Variants in DDX46 observed in about 807,000 individuals in gnomAD.
DDX46 encodes DEAD-box helicase 46.
A neutral mutation model predicts 134.9 loss-of-function variants in DDX46; 30 were observed. That is an observed-to-expected ratio of 0.22 (90% CI 0.17 to 0.30). The LOEUF (loss-of-function observed/expected upper bound fraction) is 0.30. Among genes scored for constraint, DDX46 ranks in the 10% least tolerant of loss-of-function variants. The pLI, the probability that DDX46 is intolerant of heterozygous loss-of-function variation, is 1.00. For missense variants in DDX46, 622 were observed against 1,248.7 expected (o/e 0.50, Z 7.56); for synonymous variants, 415 against 404.1 (o/e 1.03, Z -0.32).
intron 15 of DDX46, among the ~76,000 whole-genome samples, chr5:134,806,480 A>G (rs1344913622): frequency 6.6e-6 from 1 of 152,218 alleles, no homozygotes; most frequent in Non-Finnish European, 1.5e-5. Context: ...TATGTTAGTA[A>G]GGATACTTTA....
chr5:134,802,615 T>C (rs1754866914), intron 15 of DDX46, among the ~76,000 whole-genome samples: 1 of 152,180 alleles, frequency 6.6e-6, no homozygotes, highest in African/African-American at 2.4e-5. Context: ...TTTTAGATTT[T>C]CTTGTTTGTC....
chr5:134,768,581 A>G (rs1356384520), intron 3 of DDX46, among the ~76,000 whole-genome samples: 2 of 150,362 alleles, frequency 1.3e-5, no homozygotes, highest in African/African-American at 5.0e-5. Flanking sequence ...ACCTCTAGGT[A>G]TCTTACATCA....
chr5:134,773,670 C>T, intron 4 of DDX46, 26 bp from the exon 5 acceptor site: 2 of 1,552,860 alleles, frequency 1.3e-6, no homozygotes, highest in Non-Finnish European at 1.7e-6. Flanking sequence ...TTTCCCCCAT[C>T]TCTTTCTTTC....
At chr5:134,810,629 C>G (rs1755115987) in intron 16 of DDX46, among the ~76,000 whole-genome samples, 1 of 149,916 alleles carries the variant, frequency 6.7e-6, no homozygotes, top group African/African-American at 2.4e-5. Flanking sequence ...CAGGCGTGAG[C>G]CACTGCGTCC....
intron 2 of DDX46, among the ~76,000 whole-genome samples, chr5:134,765,523 A>C (rs983999060): frequency 3.9e-5 from 6 of 152,052 alleles, no homozygotes; most frequent in Non-Finnish European, 8.8e-5. Context: ...ACTGTACTCC[A>C]GCCTGGGCGA....
At chr5:134,795,052 T>C in intron 14 of DDX46, 38 bp downstream of exon 14, 1 of 1,608,312 alleles carries the variant, frequency 6.2e-7, no homozygotes, top group Non-Finnish European at 8.5e-7. Flanking sequence ...GTTTCCTTGA[T>C]ACTTAGGTGG....
intron 6 of DDX46, among the ~76,000 whole-genome samples, chr5:134,780,463 C>G (rs1754111659): frequency 6.7e-6 from 1 of 149,804 alleles, no homozygotes; most frequent in Non-Finnish European, 1.5e-5. Flanking sequence ...CCTGGGGAGG[C>G]TGAGGCAGGA....
chr5:134,764,131 T>C, intron 2 of DDX46, 39 bp downstream of exon 2: 1 of 1,571,608 alleles, frequency 6.4e-7, no homozygotes, highest in Non-Finnish European at 8.6e-7. Flanking sequence ...GAGTGATAAA[T>C]TGGGCCTTCT....
In DDX46 at chr5:134,824,009, TATTA is replaced by T. The variant is rs545338965; in HGVS notation, c.2978-2934_2978-2931del. Among the ~76,000 whole-genome samples, 1,314 of 152,356 alleles carry T rather than the reference TATTA, an allele frequency of 8.6e-3. 4 individuals are homozygous for T. The highest frequency in any genetic ancestry group is 0.02 in the Middle Eastern group (6 of 294). On this transcript the variant is annotated intron_variant, in intron 21 of 22. Transcript: ENST00000452510. ...AAAAGAATTCTTTTCGTAATTCATTTATTAATTTAAATGCAGTGTTTGCTTAGTA... is the reference window on the plus strand; with the variant it reads ...AAAAGAATTCTTTTCGTAATTCATTTATTTAAATGCAGTGTTTGCTTAGTA...
At chr5:134,812,576 C>T (rs958762703) in intron 18 of DDX46, among the ~76,000 whole-genome samples, 2 of 152,160 alleles carry the variant, frequency 1.3e-5, no homozygotes, top group African/African-American at 4.8e-5. Flanking sequence ...GGAGTTAACA[C>T]AGACAGGACC....
intron 8 of DDX46, 26 bp downstream of exon 8, chr5:134,782,112 G>C: frequency 6.4e-7 from 1 of 1,564,878 alleles, no homozygotes; most frequent in Non-Finnish European, 8.6e-7. Flanking sequence ...TTCATTTACT[G>C]GTTATAAGGG....
intron 16 of DDX46, among the ~76,000 whole-genome samples, chr5:134,808,539 C>G (rs948071314): frequency 6.6e-6 from 1 of 152,092 alleles, no homozygotes; most frequent in Non-Finnish European, 1.5e-5. Flanking sequence ...TAAATTGAAT[C>G]ATTGTAAGTC....
chr5:134,795,882 T>A, intron 14 of DDX46, 106 bp from the exon 15 acceptor site: 1 of 1,025,442 alleles, frequency 9.8e-7, no homozygotes, highest in Non-Finnish European at 1.4e-6. Context: ...GGTAAAGATA[T>A]AGCAAGATAT....
chr5:134,809,557 C>G (rs1424037860), intron 16 of DDX46, among the ~76,000 whole-genome samples: 2 of 151,788 alleles, frequency 1.3e-5, no homozygotes, highest in Non-Finnish European at 2.9e-5. Context: ...TTAGTAGAGA[C>G]GGGGTTTCTA....
At chr5:134,806,010 C>G (rs558395888) in intron 15 of DDX46, among the ~76,000 whole-genome samples, 3 of 151,922 alleles carry the variant, frequency 2.0e-5, no homozygotes, top group African/African-American at 7.2e-5. Context: ...GTCAGGAGTT[C>G]AAGACCAGCC....
chr5:134,808,469 C>T (rs1561870324), intron 16 of DDX46, among the ~76,000 whole-genome samples: 1 of 152,098 alleles, frequency 6.6e-6, no homozygotes, highest in South Asian at 2.1e-4. Context: ...TATAGGTACT[C>T]AAAGTACAAT....
chr5:134,783,154 C>G, intron 9 of DDX46, 89 bp downstream of exon 9: 1 of 1,486,684 alleles, frequency 6.7e-7, no homozygotes. Context: ...TACATTTTTA[C>G]TCTAAAAAAA....
Position 134,781,941 on chromosome 5 carries a change from A to T in DDX46, c.900A>T (p.Glu300Asp). 6.2e-7 allele frequency: 1 copy of T among 1,606,856 alleles called. No individual in the cohort carries two copies. Among genetic ancestry groups the T allele is most frequent in the Non-Finnish European group, 8.5e-7 (1 of 1,178,430 alleles). ...TATAGTATTCTTCAGAGGAGGAAGA[A>T]GTTGATCTTCAGACAGCCCTTACAG... ...DAMEYSSEEE[E>D]VDLQTALTGY... Residue 300 changes from glutamate to aspartate, a missense_variant, in exon 8 of 23, where the codon GAA (glutamate) becomes GAT (aspartate). By Grantham distance (45) the Glu-to-Asp change is conservative. Around this residue, in one of 8 missense-constraint regions of DDX46, gnomAD observed 9 missense variants for 37.7 expected, o/e 0.24. Transcript: ENST00000452510.
chr5:134,767,121 CCT>C (rs1491267085), intron 3 of DDX46, 61 bp downstream of exon 3: 164 of 1,493,732 alleles, frequency 1.1e-4, no homozygotes, highest in Non-Finnish European at 1.4e-4. Flanking sequence ...CTTCTCTGCG[CCT>C]TTTTTTTTTT....
Sources: gnomAD v4.1 joint callset for allele counts (sites outside exome capture counted in the v4.1 genomes callset) on GRCh38, gnomAD v4.1.1 for gene constraint, gnomAD v4.1.1 regional missense constraint, MANE v1.5 for transcripts, NCBI Gene and HGNC (gene_info 2026-07-23, HGNC 2026-07-21) for gene names.